The following MAF variants were observed in gnomAD, a reference collection of about 807,000 sequenced individuals.
MAF encodes MAF bZIP transcription factor.
A neutral mutation model predicts 22.0 loss-of-function variants in MAF; 10 were observed. The observed-to-expected ratio is 0.45, with a 90% CI of 0.28 to 0.77. MAF has a LOEUF of 0.77. Ranked by LOEUF, MAF falls within the 30% of genes least tolerant of loss-of-function variation. The pLI is 0.12. For synonymous variants in MAF, 337 were observed against 255.8 expected (o/e 1.32, Z -3.03); for missense variants, 544 against 548.4 (o/e 0.99, Z 0.08).
the MAF span, among the ~76,000 whole-genome samples, chr16:79,553,221 G>A: frequency 6.6e-6 from 1 of 152,224 alleles, no homozygotes; most frequent in African/African-American, 2.4e-5. Context: ...TTTGAGAATG[G>A]CAGCCGTTCC....
the MAF span, among the ~76,000 whole-genome samples, chr16:79,358,229 C>T: frequency 2.0e-5 from 3 of 152,156 alleles, no homozygotes; most frequent in African/African-American, 7.2e-5. Context: ...GAGGCAAATC[C>T]TGCTCACTGG....
At chr16:79,244,016 AC>A in the MAF span, among the ~76,000 whole-genome samples, 2 of 151,942 alleles carry the variant, frequency 1.3e-5, no homozygotes, top group Admixed American at 6.6e-5. Flanking sequence ...AAATTCAACA[AC>A]CCTTCATGCT....
At chr16:79,474,133 G>C in the MAF span, among the ~76,000 whole-genome samples, 1 of 152,118 alleles carries the variant, frequency 6.6e-6, no homozygotes, top group Non-Finnish European at 1.5e-5. Context: ...AGAAGGAATA[G>C]AAGGAGGTGG....
At chr16:79,443,989 T>C in the MAF span, among the ~76,000 whole-genome samples, 1 of 151,882 alleles carries the variant, frequency 6.6e-6, no homozygotes, top group Non-Finnish European at 1.5e-5. Context: ...TCTAAAGAGG[T>C]AGAGAATTAA....
the MAF span, among the ~76,000 whole-genome samples, chr16:79,538,513 A>T: frequency 6.6e-6 from 1 of 152,250 alleles, no homozygotes; most frequent in Non-Finnish European, 1.5e-5. Context: ...ACACTAAAGC[A>T]AAGAAAGAAT....
the MAF span, among the ~76,000 whole-genome samples, chr16:79,494,508 G>T: frequency 6.6e-6 from 1 of 152,078 alleles, no homozygotes. Context: ...CACTTTTAAA[G>T]ACTCATGTGA....
the MAF span, among the ~76,000 whole-genome samples, chr16:79,398,595 C>T: frequency 6.6e-6 from 1 of 152,102 alleles, no homozygotes; most frequent in Non-Finnish European, 1.5e-5. Flanking sequence ...ATCAACATCA[C>T]AGGCTTGTGG....
the MAF span, among the ~76,000 whole-genome samples, chr16:79,569,942 A>C: frequency 6.6e-6 from 1 of 151,222 alleles, no homozygotes; most frequent in Non-Finnish European, 1.5e-5. Context: ...TGCAGCAAAG[A>C]CCAGGTGGTG....
chr16:79,593,057 C>G (rs1913275944), downstream of MAF, among the ~76,000 whole-genome samples: 1 of 152,038 alleles, frequency 6.6e-6, no homozygotes, highest in Non-Finnish European at 1.5e-5. Context: ...CTATCTCAGT[C>G]TTTAACTACC....
the MAF span, among the ~76,000 whole-genome samples, chr16:79,479,203 A>T: frequency 1.3e-5 from 2 of 152,172 alleles, no homozygotes; most frequent in South Asian, 4.1e-4. Flanking sequence ...GCATACCTAT[A>T]TCATATCTTA....
At chr16:79,208,631 A>ATTT in the MAF span, among the ~76,000 whole-genome samples, 65,481 of 150,972 alleles carry the variant, frequency 0.43, 15,328 homozygotes, top group Non-Finnish European at 0.55. Flanking sequence ...TGCTCTTTAA[A>ATTT]TTTTTTTTTT....
At chr16:79,441,354 G>A in the MAF span, among the ~76,000 whole-genome samples, 1 of 152,180 alleles carries the variant, frequency 6.6e-6, no homozygotes, top group Non-Finnish European at 1.5e-5. Flanking sequence ...GGAAAGAGAA[G>A]GTATAGAACA....
chr16:79,355,285 T>A, the MAF span, among the ~76,000 whole-genome samples: 3 of 152,326 alleles, frequency 2.0e-5, no homozygotes, highest in South Asian at 6.2e-4. Flanking sequence ...TTGATGGACA[T>A]AGAGTTGAAT....
chr16:79,369,953 C>G, the MAF span, among the ~76,000 whole-genome samples: 1 of 152,228 alleles, frequency 6.6e-6, no homozygotes, highest in Non-Finnish European at 1.5e-5. Flanking sequence ...GGGCCTCTCC[C>G]AACCTTCTGT....
chr16:79,228,354 G>C, the MAF span, among the ~76,000 whole-genome samples: 1 of 152,160 alleles, frequency 6.6e-6, no homozygotes, highest in East Asian at 1.9e-4. Context: ...CTAAATGAGG[G>C]CAAGGTGGGT....
chr16:79,334,416 G>C, the MAF span, among the ~76,000 whole-genome samples: 1 of 152,100 alleles, frequency 6.6e-6, no homozygotes. Context: ...TCAGAACAGC[G>C]GTCACCTCTA....
the MAF span, among the ~76,000 whole-genome samples, chr16:79,431,853 G>A: frequency 6.6e-6 from 1 of 152,196 alleles, no homozygotes; most frequent in African/African-American, 2.4e-5. Flanking sequence ...TGCTCAGCAG[G>A]ACTTTGTTTC....
chr16:79,280,706 C>T, the MAF span, among the ~76,000 whole-genome samples: 3 of 152,186 alleles, frequency 2.0e-5, no homozygotes, highest in Non-Finnish European at 2.9e-5. Flanking sequence ...TTCAGCTGAA[C>T]CCACATCTCC....
the MAF span, among the ~76,000 whole-genome samples, chr16:79,410,715 G>C: frequency 6.6e-6 from 1 of 152,198 alleles, no homozygotes; most frequent in African/African-American, 2.4e-5. Flanking sequence ...GGCAGCATTT[G>C]AGCTGCTCAT....
Sources: allele counts gnomAD v4.1 joint callset (sites outside exome capture counted in the v4.1 genomes callset), GRCh38; gene constraint gnomAD v4.1.1; transcripts MANE v1.5; gene names NCBI Gene and HGNC (gene_info 2026-07-23, HGNC 2026-07-21).